The following ERC2 variants were observed in gnomAD, a reference collection of about 807,000 sequenced individuals.
ERC2 encodes ELKS/RAB6-interacting/CAST family member 2.
A neutral mutation model predicts 114.8 loss-of-function variants in ERC2; 42 were observed. That is an observed-to-expected ratio of 0.37 (90% CI 0.29 to 0.47). The LOEUF (loss-of-function observed/expected upper bound fraction) is 0.47, where lower values mean the gene tolerates loss of function less well. ERC2 is among the 20% of genes least tolerant of loss of function. The pLI is 0.99. For synonymous variants in ERC2, 454 were observed against 425.5 expected (o/e 1.07, Z -0.82); for missense variants, 939 against 1,150.7 (o/e 0.82, Z 2.66).
chr3:55,871,664 G>GTAAT (rs2062589224), intron 14 of ERC2, among the ~76,000 whole-genome samples: 1 of 152,182 alleles, frequency 6.6e-6, no homozygotes, highest in East Asian at 1.9e-4. Context: ...TAACGAAGAT[G>GTAAT]TAATTATGTC....
Position 56,465,267 on chromosome 3 carries a change from C to T in ERC2, c.-141+2981G>A, listed in dbSNP as rs149185720. 9.4e-4 allele frequency among the ~76,000 whole-genome samples: 143 copies of T among 152,194 alleles called. 1 individual carries two copies. The East Asian group carries it at 0.024, about 26-fold the overall frequency. ...TACAAAAATTAGAGAGGCATGGTGGCGGGCACCTGTAATCCCAGCTACTTG... is the reference window on the plus strand; with the variant it reads ...TACAAAAATTAGAGAGGCATGGTGGTGGGCACCTGTAATCCCAGCTACTTG... On this transcript the variant is annotated intron_variant, in intron 1 of 17. Transcript: ENST00000288221.
intron 11 of ERC2, among the ~76,000 whole-genome samples, chr3:55,989,840 A>T (rs771761111): frequency 1.3e-5 from 2 of 152,208 alleles, no homozygotes; most frequent in Non-Finnish European, 2.9e-5. Context: ...TACAATATAC[A>T]TACCCTAGTA....
intron 17 of ERC2, among the ~76,000 whole-genome samples, chr3:55,648,775 G>A (rs970324286): frequency 3.9e-5 from 6 of 152,088 alleles, no homozygotes; most frequent in Non-Finnish European, 1.5e-5. Flanking sequence ...CAGGAGAAAT[G>A]GTATGTTAAG....
At chr3:55,663,372 A>C (rs1250641618) in intron 17 of ERC2, among the ~76,000 whole-genome samples, 1 of 152,224 alleles carries the variant, frequency 6.6e-6, no homozygotes, top group Non-Finnish European at 1.5e-5. Flanking sequence ...CCCCTTCATC[A>C]GTGAAGTGGG....
intron 10 of ERC2, among the ~76,000 whole-genome samples, chr3:55,999,603 AG>A (rs1307390708): frequency 7.9e-5 from 12 of 151,974 alleles, no homozygotes; most frequent in African/African-American, 2.4e-4. Flanking sequence ...ATAACTGATT[AG>A]AAAATAAAAT....
chr3:55,736,396 C>G (rs948563248), intron 14 of ERC2, among the ~76,000 whole-genome samples: 1 of 152,196 alleles, frequency 6.6e-6, no homozygotes. Flanking sequence ...CTTTGCCTTT[C>G]TATGCTTTTG....
intron 7 of ERC2, among the ~76,000 whole-genome samples, chr3:56,044,643 T>C (rs965576718): frequency 2.0e-5 from 3 of 152,086 alleles, no homozygotes; most frequent in East Asian, 1.9e-4. Context: ...TAAGAAATAA[T>C]AGGATAAAAT....
intron 3 of ERC2, among the ~76,000 whole-genome samples, chr3:56,255,701 A>C (rs1331374579): frequency 6.6e-6 from 1 of 152,166 alleles, no homozygotes; most frequent in African/African-American, 2.4e-5. Context: ...CTGCTTTGCA[A>C]GTCCAATCAC....
rs1553734038 is a variant in ERC2, at chr3:55,920,446, A to ACCCCCCC, written c.2403+29978_2403+29979insGGGGGGG. ...CACACACACACACACACACACACAC[A>ACCCCCCC]CCCCAAGTGAGAAGGATATTGCTAA... On this transcript the variant is annotated intron_variant, in intron 13 of 17. Coordinates refer to ENST00000288221, the MANE Select transcript of ERC2 (RefSeq NM_015576.3). Among the ~76,000 whole-genome samples, 25 of 145,544 alleles carry ACCCCCCC rather than the reference A, an allele frequency of 1.7e-4. No individual in the cohort carries two copies. In the South Asian group the frequency reaches 3.0e-3, roughly 18 times the overall value.
At chr3:55,706,559 G>GTTATT (rs928785716) in intron 15 of ERC2, among the ~76,000 whole-genome samples, 3 of 151,846 alleles carry the variant, frequency 2.0e-5, no homozygotes. Context: ...ACCACTCCCA[G>GTTATT]TTATTTTATT....
At chr3:55,547,077 A>G (rs1386118811) in intron 17 of ERC2, among the ~76,000 whole-genome samples, 2 of 152,262 alleles carry the variant, frequency 1.3e-5, no homozygotes, top group African/African-American at 4.8e-5. Flanking sequence ...GAGAATGGTA[A>G]TAGCGTATCT....
chr3:55,869,533 C>T (rs1343059700), intron 14 of ERC2, among the ~76,000 whole-genome samples: 1 of 151,926 alleles, frequency 6.6e-6, no homozygotes, highest in African/African-American at 2.4e-5. Context: ...CCTTCTTTAC[C>T]TCCCCAAATT....
At chr3:55,914,700 C>T (rs1482644349) in intron 13 of ERC2, among the ~76,000 whole-genome samples, 1 of 152,166 alleles carries the variant, frequency 6.6e-6, no homozygotes, top group Non-Finnish European at 1.5e-5. Flanking sequence ...ATTTTCCAAC[C>T]AGCAGATGTA....
At chr3:55,664,593 AGGAG>A in intron 17 of ERC2, among the ~76,000 whole-genome samples, 1 of 152,150 alleles carries the variant, frequency 6.6e-6, no homozygotes, top group African/African-American at 2.4e-5. Flanking sequence ...GCCTTTGATC[AGGAG>A]GTAGAAGTAA....
intron 14 of ERC2, among the ~76,000 whole-genome samples, chr3:55,781,564 A>G (rs890758688): frequency 3.3e-5 from 5 of 151,964 alleles, no homozygotes; most frequent in Non-Finnish European, 1.5e-5. Context: ...AGGAGATGAA[A>G]CAACTCATTT....
At chr3:55,738,161 G>A (rs1448386213) in intron 14 of ERC2, among the ~76,000 whole-genome samples, 1 of 152,138 alleles carries the variant, frequency 6.6e-6, no homozygotes, top group African/African-American at 2.4e-5. Flanking sequence ...AACTGAGGCA[G>A]GCTAACTTGT....
intron 13 of ERC2, among the ~76,000 whole-genome samples, chr3:55,906,431 CAAAA>C (rs368262866): frequency 1.5e-5 from 1 of 67,962 alleles, no homozygotes. Flanking sequence ...GACTCTGTCT[CAAAA>C]AAAAAAAAAA....
At chr3:56,200,061 C>T (rs1222780928) in intron 3 of ERC2, among the ~76,000 whole-genome samples, 1 of 130,816 alleles carries the variant, frequency 7.6e-6, no homozygotes, top group Admixed American at 8.2e-5. Flanking sequence ...CCAGCTTCAG[C>T]AACTGAATGG....
Position 55,859,650 on chromosome 3 carries a change from G to C in ERC2, c.2564+28739C>G, listed in dbSNP as rs1022679995. ...GTCATCTTCAAGAAGGTCACCAAAGGTATGTGTGCCTTTGCCCAAGACTCT... is the reference window on the plus strand; with the variant it reads ...GTCATCTTCAAGAAGGTCACCAAAGCTATGTGTGCCTTTGCCCAAGACTCT... On this transcript the variant is annotated intron_variant, in intron 14 of 17. Coordinates refer to ENST00000288221, the MANE Select transcript of ERC2 (RefSeq NM_015576.3). 6.6e-5 allele frequency among the ~76,000 whole-genome samples: 10 copies of C among 151,804 alleles called. No individual in the cohort carries two copies. In the East Asian group the frequency reaches 1.8e-3, roughly 27 times the overall value.
Sources: allele counts gnomAD v4.1 joint callset (sites outside exome capture counted in the v4.1 genomes callset), GRCh38; gene constraint gnomAD v4.1.1; transcripts MANE v1.5; gene names NCBI Gene and HGNC (gene_info 2026-07-23, HGNC 2026-07-21).